Variants in FRMPD4 observed in about 807,000 individuals in gnomAD.
The protein encoded by FRMPD4 is FERM and PDZ domain-containing protein 4.
In FRMPD4, 22 loss-of-function variants were observed where a neutral mutation model predicts 94.1. The ratio of observed to expected loss-of-function variants is 0.23; its 90% confidence interval spans 0.17 to 0.33. FRMPD4 has a LOEUF of 0.33. Ranked by LOEUF, FRMPD4 falls within the 10% of genes least tolerant of loss-of-function variation. The probability of loss-of-function intolerance (pLI) is 1.00; values close to 1 mark genes in which losing one functional copy is unlikely to be tolerated. For synonymous variants in FRMPD4, 631 were observed against 548.6 expected (o/e 1.15, Z -2.10); for missense variants, 1,111 against 1,339.9 (o/e 0.83, Z 2.67).
intron 3 of FRMPD4, among the ~76,000 whole-genome samples, chrX:11,992,396 A>C (rs2054469787): frequency 8.9e-6 from 1 of 111,920 alleles, no homozygotes; most frequent in South Asian, 3.7e-4. Context: ...GGTTTATTAC[A>C]AAACCAACAT....
intron 1 of FRMPD4, among the ~76,000 whole-genome samples, chrX:12,336,433 G>A (rs1015483128): frequency 9.0e-6 from 1 of 111,617 alleles, no homozygotes; most frequent in African/African-American, 3.3e-5. Context: ...AATGATGTAT[G>A]GGATTCAGAG....
intron 3 of FRMPD4, among the ~76,000 whole-genome samples, chrX:12,061,680 A>G (rs768117293): frequency 1.8e-5 from 2 of 112,289 alleles, no homozygotes; most frequent in Admixed American, 9.4e-5. Context: ...TTATTTGGAA[A>G]CTCAAAAATG....
chrX:12,107,063 G>A (rs1179120252), intron 3 of FRMPD4, among the ~76,000 whole-genome samples: 1 of 111,665 alleles, frequency 9.0e-6, no homozygotes, highest in African/African-American at 3.3e-5. Context: ...GGTTCTCCCA[G>A]CACGGAGTCT....
chrX:12,388,088 C>T (rs898213496), intron 1 of FRMPD4, among the ~76,000 whole-genome samples: 2 of 110,700 alleles, frequency 1.8e-5, no homozygotes, highest in African/African-American at 3.3e-5. Flanking sequence ...TGAAAACTTC[C>T]GGGGAGAACT....
chrX:12,315,983 C>G (rs1444877249), intron 1 of FRMPD4, among the ~76,000 whole-genome samples: 1 of 111,276 alleles, frequency 9.0e-6, no homozygotes, highest in Non-Finnish European at 1.9e-5. Flanking sequence ...ATTATCTAGC[C>G]CAAAATATCA....
intron 3 of FRMPD4, among the ~76,000 whole-genome samples, chrX:11,957,393 C>CA (rs1014899429): frequency 9.1e-6 from 1 of 110,205 alleles, no homozygotes; most frequent in African/African-American, 3.3e-5. Context: ...CCTGTCTCTA[C>CA]AAAAAAAATT....
intron 3 of FRMPD4, among the ~76,000 whole-genome samples, chrX:12,083,037 G>A (rs1361825536): frequency 1.8e-5 from 2 of 112,648 alleles, no homozygotes; most frequent in African/African-American, 6.4e-5. Flanking sequence ...ATTCAAGCTG[G>A]CTACAGAAAT....
intron 3 of FRMPD4, among the ~76,000 whole-genome samples, chrX:11,890,305 T>C (rs2053867343): frequency 8.9e-6 from 1 of 112,043 alleles, no homozygotes; most frequent in South Asian, 3.8e-4. Flanking sequence ...TGAGAACTTA[T>C]TTGAAATGCA....
At chrX:11,844,551 A>G (rs1248138246) in intron 1 of FRMPD4, among the ~76,000 whole-genome samples, 2 of 110,962 alleles carry the variant, frequency 1.8e-5, no homozygotes, top group Non-Finnish European at 3.8e-5. Context: ...GAAGAACCCT[A>G]ACATGCACTA....
At position 12,138,752 on chromosome X, in the gene FRMPD4, A is replaced by G. The variant is rs920015769; in HGVS notation, c.-220A>G. The G allele has an allele frequency of 3.1e-5, 10 of 324,972 alleles. No individual in the cohort carries two copies. The highest frequency in any genetic ancestry group is 1.1e-4 in the South Asian group (1 of 8,723). The allele number at this position is 324,972 out of a possible 1,213,427, so 26.8% of individuals were successfully genotyped here. A position where few individuals can be genotyped will look rare whatever the true frequency, so the allele number is the denominator to read the frequency against. ...GTTTTCCTGCCTCGGGTGCCTATCA[A>G]TGGTCCTGCTCGGGGATGCACACGC... On this transcript the variant is annotated 5_prime_UTR_variant, in exon 1 of 17. The change abolishes an upstream ATG in the 5' untranslated region. Transcript: ENST00000675598.
rs1447506529 is a variant in FRMPD4 at position 12,058,097 on chromosome X, G to A, written c.95+180079G>A. ...TTTTTAGGGGAAAATTAATGGTCTT[G>A]CAGAACATGTAGTGGCCCGGGACAA... On this transcript the variant is annotated intron_variant, in intron 3 of 18. Coordinates refer to the FRMPD4 transcript ENST00000640291. Among the ~76,000 whole-genome samples the A allele has an allele frequency of 3.6e-5, 4 of 111,642 alleles. No individual in the cohort carries two copies. The Admixed American group carries it at 3.8e-4, about 11-fold the overall frequency.
At chrX:12,113,700 C>T (rs186886456) in intron 3 of FRMPD4, among the ~76,000 whole-genome samples, 26 of 112,255 alleles carry the variant, frequency 2.3e-4, no homozygotes, top group Non-Finnish European at 3.2e-4. Context: ...AGTCCTTTCG[C>T]CATGTAAGGA....
chrX:12,178,006 A>G (rs4292892), intron 1 of FRMPD4, among the ~76,000 whole-genome samples: 13,989 of 111,262 alleles, frequency 0.13, 1,275 homozygotes, highest in East Asian at 0.61. Flanking sequence ...GTCCTTCACA[A>G]ATTCATTTGC....
At chrX:11,924,598 A>G (rs930755594) in intron 3 of FRMPD4, among the ~76,000 whole-genome samples, 1 of 112,270 alleles carries the variant, frequency 8.9e-6, no homozygotes, top group Non-Finnish European at 1.9e-5. Flanking sequence ...ATTGTGGGCA[A>G]ATGTTCAACA....
chrX:12,541,745 C>A (rs759791421), intron 2 of FRMPD4, among the ~76,000 whole-genome samples: 108 of 111,907 alleles, frequency 9.7e-4, no homozygotes, highest in African/African-American at 3.5e-3. Context: ...TTTTATGAGG[C>A]CAGCATCATC....
rs192861861 is a variant in FRMPD4, at chrX:12,517,734, G to C, written c.158+18938G>C. 3.1e-3 allele frequency among the ~76,000 whole-genome samples: 349 copies of C among 112,816 alleles called. 2 individuals are homozygous for C. Among genetic ancestry groups the C allele is most frequent in the African/African-American group, 0.011 (332 of 31,139 alleles). On this transcript the variant is annotated intron_variant, in intron 2 of 16. Coordinates refer to ENST00000675598, the MANE Select transcript of FRMPD4 (RefSeq NM_001368397.1). ...GAAGCACTCTGGCTGCCCCTTGGCAGAGGGGGTGTGCCGCACTGGGGGGAT... is the reference window on the plus strand; with the variant it reads ...GAAGCACTCTGGCTGCCCCTTGGCACAGGGGGTGTGCCGCACTGGGGGGAT...
At chrX:12,051,743 A>T (rs1445363267) in intron 3 of FRMPD4, among the ~76,000 whole-genome samples, 1 of 110,661 alleles carries the variant, frequency 9.0e-6, no homozygotes, top group Non-Finnish European at 1.9e-5. Context: ...TCATCCATCC[A>T]TTCACCCTCC....
At chrX:12,440,215 T>A (rs1433659634) in intron 1 of FRMPD4, among the ~76,000 whole-genome samples, 4 of 112,345 alleles carry the variant, frequency 3.6e-5, no homozygotes, top group African/African-American at 6.5e-5. Context: ...GCATACAACC[T>A]ACTAAATAAT....
chrX:11,862,794 G>A (rs1189567792), intron 1 of FRMPD4, among the ~76,000 whole-genome samples: 1 of 110,307 alleles, frequency 9.1e-6, no homozygotes, highest in Non-Finnish European at 1.9e-5. Flanking sequence ...AGCTTGCTGA[G>A]CTTTGTCCGT....
Sources: gnomAD v4.1 joint callset for allele counts (sites outside exome capture counted in the v4.1 genomes callset) on GRCh38, gnomAD v4.1.1 for gene constraint, MANE v1.5 for transcripts, NCBI Gene and HGNC (gene_info 2026-07-23, HGNC 2026-07-21) for gene names.